NOL4: variants seen among roughly 807,000 people sequenced by gnomAD.
NOL4 encodes the protein nucleolar protein 4.
NOL4 carries 17 observed loss-of-function variants against 75.9 expected under a neutral mutation model. The observed-to-expected ratio is 0.22, with a 90% CI of 0.15 to 0.34. The LOEUF is 0.34. NOL4 is among the 10% of genes least tolerant of loss of function. NOL4 has a pLI of 1.00. For synonymous variants in NOL4, 292 were observed against 289.9 expected, an observed-to-expected ratio of 1.01 and a Z score of -0.07; for missense variants, 614 against 793.5, an observed-to-expected ratio of 0.77 and a Z score of 2.72.
At chr18:34,184,563 G>A (rs1182910883) in intron 1 of NOL4, among the ~76,000 whole-genome samples, 1 of 152,068 alleles carries the variant, frequency 6.6e-6, no homozygotes, top group Non-Finnish European at 1.5e-5. Context: ...AAGGGACTGA[G>A]TTCTGTGTTG....
intron 9 of NOL4, among the ~76,000 whole-genome samples, chr18:33,907,891 A>G (rs1433894622): frequency 6.6e-6 from 1 of 152,218 alleles, no homozygotes; most frequent in African/African-American, 2.4e-5. Context: ...AAATAAACTC[A>G]TAGGTGTTAA....
intron 6 of NOL4, among the ~76,000 whole-genome samples, chr18:34,008,130 T>G (rs1265856766): frequency 6.6e-6 from 1 of 152,012 alleles, no homozygotes; most frequent in African/African-American, 2.4e-5. Flanking sequence ...CCACTCCATT[T>G]TTGAGCTGCA....
At chr18:33,877,998 C>G (rs574286520) in intron 10 of NOL4, among the ~76,000 whole-genome samples, 1 of 152,004 alleles carries the variant, frequency 6.6e-6, no homozygotes, top group African/African-American at 2.4e-5. Flanking sequence ...AAGAAAACTT[C>G]AGGTGAGTAG....
At chr18:34,088,845 A>G (rs1482477228) in intron 5 of NOL4, among the ~76,000 whole-genome samples, 1 of 152,108 alleles carries the variant, frequency 6.6e-6, no homozygotes, top group Non-Finnish European at 1.5e-5. Flanking sequence ...GAAATATTAT[A>G]AACCTAAAAA....
intron 1 of NOL4, among the ~76,000 whole-genome samples, chr18:34,200,709 C>T (rs534931535): frequency 1.3e-5 from 2 of 151,618 alleles, no homozygotes; most frequent in East Asian, 1.9e-4. Flanking sequence ...CATGTCACTG[C>T]GGTACCAAAA....
At chr18:33,958,909 C>T (rs1174971326) in intron 6 of NOL4, among the ~76,000 whole-genome samples, 2 of 152,014 alleles carry the variant, frequency 1.3e-5, no homozygotes, top group Non-Finnish European at 2.9e-5. Context: ...GTTATGGAAA[C>T]TGAGGGATGT....
chr18:34,153,267 C>G (rs1247751196), intron 1 of NOL4, among the ~76,000 whole-genome samples: 1 of 151,800 alleles, frequency 6.6e-6, no homozygotes, highest in African/African-American at 2.4e-5. Context: ...TAACAAATCT[C>G]TAGAAGGCTC....
At chr18:33,859,703 G>C (rs1008375813) in intron 10 of NOL4, among the ~76,000 whole-genome samples, 2 of 152,152 alleles carry the variant, frequency 1.3e-5, no homozygotes, top group Non-Finnish European at 2.9e-5. Context: ...TGGATCACTT[G>C]TGGTCAGGTG....
chr18:34,165,052 G>C (rs1365712404), intron 1 of NOL4, among the ~76,000 whole-genome samples: 2 of 145,404 alleles, frequency 1.4e-5, no homozygotes, highest in African/African-American at 2.5e-5. Context: ...GAGAACACAT[G>C]GACACAGGAA....
At chr18:34,216,614 A>G (rs2036907254) in intron 1 of NOL4, among the ~76,000 whole-genome samples, 1 of 149,038 alleles carries the variant, frequency 6.7e-6, no homozygotes, top group Non-Finnish European at 1.5e-5. Context: ...TTATAATATA[A>G]TGAATATAAT....
At chr18:34,063,790 T>C (rs1555711147) in intron 5 of NOL4, among the ~76,000 whole-genome samples, 2 of 152,116 alleles carry the variant, frequency 1.3e-5, no homozygotes, top group East Asian at 1.9e-4. Context: ...TGTTATATGA[T>C]AATAATTAAT....
chr18:33,904,229 T>A (rs2065902008), intron 9 of NOL4, among the ~76,000 whole-genome samples: 1 of 152,068 alleles, frequency 6.6e-6, no homozygotes, highest in Non-Finnish European at 1.5e-5. Context: ...AGGGATAGTA[T>A]GGACCTAGGG....
chr18:34,174,870 T>C (rs1347798405), intron 1 of NOL4, among the ~76,000 whole-genome samples: 1 of 152,208 alleles, frequency 6.6e-6, no homozygotes, highest in Non-Finnish European at 1.5e-5. Flanking sequence ...TCCTTTTTTA[T>C]GGCTGCATAG....
chr18:34,031,387 A>T (rs990605936), intron 5 of NOL4, among the ~76,000 whole-genome samples: 1 of 152,228 alleles, frequency 6.6e-6, no homozygotes, highest in African/African-American at 2.4e-5. Flanking sequence ...GACATGTAAA[A>T]TCCAAGCCCA....
intron 1 of NOL4, chr18:34,158,529 A>C (rs1298490525): frequency 6.6e-6 from 1 of 152,236 alleles, no homozygotes; most frequent in East Asian, 1.9e-4. Flanking sequence ...ACTGGCATAT[A>C]GAACTGGAAA....
chr18:34,039,410 C>G (rs1300697445), intron 5 of NOL4, among the ~76,000 whole-genome samples: 1 of 151,958 alleles, frequency 6.6e-6, no homozygotes, highest in Non-Finnish European at 1.5e-5. Context: ...TTCATTTTCA[C>G]TTTTGGCTAG....
chr18:34,058,372 G>A (rs1163006715), intron 5 of NOL4, among the ~76,000 whole-genome samples: 1 of 152,170 alleles, frequency 6.6e-6, no homozygotes, highest in Non-Finnish European at 1.5e-5. Flanking sequence ...CTGACCTCGT[G>A]ATCTGCCCGC....
chr18:33,996,012 A>T (rs1211252705), intron 6 of NOL4, among the ~76,000 whole-genome samples: 1 of 151,874 alleles, frequency 6.6e-6, no homozygotes, highest in African/African-American at 2.4e-5. Flanking sequence ...CATTCCAGGA[A>T]GTAGGGTATT....
At chr18:33,967,670 C>A (rs2070714428) in intron 6 of NOL4, among the ~76,000 whole-genome samples, 1 of 152,186 alleles carries the variant, frequency 6.6e-6, no homozygotes, top group African/African-American at 2.4e-5. Context: ...ATAGACATTT[C>A]TCTAAAGAAG....
Sources: allele counts gnomAD v4.1 joint callset (sites outside exome capture counted in the v4.1 genomes callset), GRCh38; gene constraint gnomAD v4.1.1; transcripts MANE v1.5; gene names NCBI Gene and HGNC (gene_info 2026-07-23, HGNC 2026-07-21).